The following HDAC4 variants were observed in gnomAD, a reference collection of about 807,000 sequenced individuals.
HDAC4 encodes histone deacetylase A.
A neutral mutation model predicts 135.1 loss-of-function variants in HDAC4; 16 were observed. That is an observed-to-expected ratio of 0.12 (90% CI 0.08 to 0.18). The LOEUF (loss-of-function observed/expected upper bound fraction) is 0.18. Among genes scored for constraint, HDAC4 ranks in the 10% least tolerant of loss-of-function variants. The probability of loss-of-function intolerance (pLI) is 1.00; values close to 1 mark genes in which losing one functional copy is unlikely to be tolerated. For missense variants in HDAC4, 1,143 were observed against 1,511.8 expected, an observed-to-expected ratio of 0.76 and a Z score of 4.05; for synonymous variants, 685 against 653.4, an observed-to-expected ratio of 1.05 and a Z score of -0.74.
chr2:239,253,984 C>T (rs1018005491), intron 2 of HDAC4, among the ~76,000 whole-genome samples: 13 of 152,140 alleles, frequency 8.5e-5, no homozygotes, highest in Non-Finnish European at 2.9e-5. Context: ...TAGAAAACCC[C>T]ACCCACCAGG....
At chr2:239,203,359 T>C (rs1026081378) in intron 3 of HDAC4, among the ~76,000 whole-genome samples, 4 of 152,230 alleles carry the variant, frequency 2.6e-5, no homozygotes, top group Non-Finnish European at 4.4e-5. Context: ...GAGTCAAGGA[T>C]AAAAATACGT....
intron 1 of HDAC4, among the ~76,000 whole-genome samples, chr2:239,366,213 AG>A (rs1422432096): frequency 6.6e-6 from 1 of 151,210 alleles, no homozygotes; most frequent in Non-Finnish European, 1.5e-5. Flanking sequence ...TGCACACAGC[AG>A]GGTTGTCAGG....
intron 11 of HDAC4, among the ~76,000 whole-genome samples, chr2:239,128,005 A>G (rs764549708): frequency 6.6e-6 from 1 of 152,238 alleles, no homozygotes; most frequent in East Asian, 1.9e-4. Context: ...AACACAAAGG[A>G]CACATCCAGA....
chr2:239,275,904 C>T (rs566071786), intron 2 of HDAC4, among the ~76,000 whole-genome samples: 2 of 152,092 alleles, frequency 1.3e-5, no homozygotes, highest in African/African-American at 2.4e-5. Flanking sequence ...GCTCCTCTGT[C>T]GCCTGCCTCA....
At chr2:239,065,537 C>A (rs1488363136) in intron 24 of HDAC4, among the ~76,000 whole-genome samples, 1 of 152,178 alleles carries the variant, frequency 6.6e-6, no homozygotes, top group African/African-American at 2.4e-5. Context: ...ATGCAGGTTT[C>A]CTGCAAACCG....
chr2:239,224,428 G>A (rs1387003811), intron 3 of HDAC4, among the ~76,000 whole-genome samples: 1 of 152,170 alleles, frequency 6.6e-6, no homozygotes, highest in African/African-American at 2.4e-5. Flanking sequence ...GTCACTCAAA[G>A]CCATGCCTAA....
At chr2:239,077,306 G>A (rs111282759) in intron 22 of HDAC4, among the ~76,000 whole-genome samples, 2,285 of 152,286 alleles carry the variant, frequency 0.015, 22 homozygotes, top group Non-Finnish European at 0.021. Flanking sequence ...ATAATGTCCC[G>A]TGCCAGGCTC....
intron 19 of HDAC4, among the ~76,000 whole-genome samples, chr2:239,086,860 G>A (rs2036018552): frequency 6.6e-6 from 1 of 152,194 alleles, no homozygotes; most frequent in Non-Finnish European, 1.5e-5. Flanking sequence ...ATGGGGAGAC[G>A]CTCTTTCTAG....
At position 239,308,722 on chromosome 2, in the gene HDAC4, C is replaced by T. The variant is rs1194213931; in HGVS notation, c.22+43956G>A. 1.3e-5 allele frequency among the ~76,000 whole-genome samples: 2 copies of T among 152,120 alleles called. No individual in the cohort carries two copies. Among genetic ancestry groups the T allele is most frequent in the East Asian group, 1.9e-4 (1 of 5,178 alleles). ...AGGGGTTCAGCCGCTGCAGAAACTC[C>T]GAATCTGCTAACGTGAAGTGCCAAG... On this transcript the variant is annotated intron_variant, in intron 2 of 26. Transcript: ENST00000543185. This position sits in a 1 kb window ranked among gnomAD's most constrained non-coding sequence, Gnocchi z 4.2.
intron 4 of HDAC4, among the ~76,000 whole-genome samples, chr2:239,186,067 AG>A (rs2153033328): frequency 6.6e-6 from 1 of 152,200 alleles, no homozygotes; most frequent in Non-Finnish European, 1.5e-5. Flanking sequence ...CAGAAGTGCA[AG>A]AGAGAACTTC....
chr2:239,142,153 C>T (rs968908773), intron 8 of HDAC4, among the ~76,000 whole-genome samples: 5 of 152,104 alleles, frequency 3.3e-5, no homozygotes, highest in South Asian at 2.1e-4. Flanking sequence ...GGACAGAGTG[C>T]GTATGGGAAT....
At chr2:239,173,627 A>G (rs1218772976) in intron 5 of HDAC4, among the ~76,000 whole-genome samples, 3 of 152,210 alleles carry the variant, frequency 2.0e-5, no homozygotes, top group Non-Finnish European at 4.4e-5. Flanking sequence ...TGCCATCAGG[A>G]CCACAATTTG....
At chr2:239,295,306 CAAAAAAAAAAAAAA>C (rs55990119) in intron 2 of HDAC4, among the ~76,000 whole-genome samples, 1 of 46,524 alleles carries the variant, frequency 2.1e-5, no homozygotes, top group African/African-American at 8.2e-5. Flanking sequence ...GACTCCGTCT[CAAAAAAAAAAAAAA>C]AAAAAAAAAA....
intron 1 of HDAC4, among the ~76,000 whole-genome samples, chr2:239,380,417 A>G (rs1051833804): frequency 6.6e-6 from 1 of 152,202 alleles, no homozygotes; most frequent in Admixed American, 6.5e-5. Context: ...GTGTAGCTAT[A>G]GTTATTGTAT....
At chr2:239,181,807 G>T (rs1447343594) in intron 4 of HDAC4, among the ~76,000 whole-genome samples, 3 of 152,350 alleles carry the variant, frequency 2.0e-5, no homozygotes, top group African/African-American at 7.2e-5. Flanking sequence ...AGGACTGGAA[G>T]AGGTGGCATG....
chr2:239,095,627 C>T (rs549779722), intron 16 of HDAC4, among the ~76,000 whole-genome samples: 160 of 152,290 alleles, frequency 1.1e-3, no homozygotes, highest in African/African-American at 3.7e-3. Context: ...GCTCCAAGGA[C>T]GCTGCAGCTG....
chr2:239,255,223 A>G lies in HDAC4; in HGVS notation c.23-18559T>C, dbSNP rs376705320. 5.7e-4 allele frequency among the ~76,000 whole-genome samples: 87 copies of G among 152,332 alleles called. 1 individual carries two copies. Among genetic ancestry groups the G allele is most frequent in the African/African-American group, 2.0e-3 (83 of 41,582 alleles). On this transcript the variant is annotated intron_variant, in intron 2 of 26. Coordinates refer to ENST00000543185, the MANE Select transcript of HDAC4 (RefSeq NM_001378414.1). Reference sequence around the variant, plus strand: ...TAGTAAATCATGTAAGTACACATTAATAACTACTGAATATTCAATTAATAC... The same window carrying G: ...TAGTAAATCATGTAAGTACACATTAGTAACTACTGAATATTCAATTAATAC...
At chr2:239,357,888 C>CAAAAAAAAA (rs71043188) in intron 1 of HDAC4, among the ~76,000 whole-genome samples, 2 of 55,650 alleles carry the variant, frequency 3.6e-5, no homozygotes, top group African/African-American at 1.7e-4. Context: ...GCCTCTGTTC[C>CAAAAAAAAA]AAAAAAAAAA....
intron 3 of HDAC4, among the ~76,000 whole-genome samples, chr2:239,217,860 G>A (rs562139118): frequency 6.8e-4 from 104 of 152,306 alleles, no homozygotes; most frequent in South Asian, 1.4e-3. Context: ...AGGCTAAGGC[G>A]GGAGGGGGAT....
Sources: gnomAD v4.1 joint callset for allele counts (sites outside exome capture counted in the v4.1 genomes callset) on GRCh38, gnomAD v4.1.1 for gene constraint, Gnocchi (gnomAD v3.1) non-coding constraint, MANE v1.5 for transcripts, NCBI Gene and HGNC (gene_info 2026-07-23, HGNC 2026-07-21) for gene names.